The following HTR1F variants were observed in gnomAD, a reference collection of about 807,000 sequenced individuals.
HTR1F encodes the protein 5-hydroxytryptamine (serotonin) receptor 1F, G protein-coupled.
In HTR1F, 17 loss-of-function variants were observed where a neutral mutation model predicts 24.0. The ratio of observed to expected loss-of-function variants is 0.71; its 90% CI spans 0.48 to 1.06. The LOEUF (loss-of-function observed/expected upper bound fraction) is 1.06, where lower values mean the gene tolerates loss of function less well. Ranked by LOEUF, HTR1F falls within the 50% of genes least tolerant of loss-of-function variation. The probability of loss-of-function intolerance (pLI) is 0.00; values close to 1 mark genes in which losing one functional copy is unlikely to be tolerated. For synonymous variants in HTR1F, 186 were observed against 156.8 expected, an observed-to-expected ratio of 1.19 and a Z score of -1.39; for missense variants, 391 against 427.8, an observed-to-expected ratio of 0.91 and a Z score of 0.76.
chr3:87,886,646 A>G (rs1413867881), intron 2 of HTR1F, among the ~76,000 whole-genome samples: 1 of 152,212 alleles, frequency 6.6e-6, no homozygotes, highest in African/African-American at 2.4e-5. Flanking sequence ...GCAAAGTCTC[A>G]GGATACAAAA....
intron 2 of HTR1F, among the ~76,000 whole-genome samples, chr3:87,857,383 T>A (rs1705220226): frequency 6.6e-6 from 1 of 152,114 alleles, no homozygotes; most frequent in African/African-American, 2.4e-5. Context: ...TAGATGTTTT[T>A]AAAATTAATA....
At chr3:87,825,526 T>C (rs1470304959) in intron 2 of HTR1F, among the ~76,000 whole-genome samples, 2 of 152,324 alleles carry the variant, frequency 1.3e-5, no homozygotes, top group East Asian at 3.9e-4. Context: ...AGAAGAGTCA[T>C]TCCTTAATGC....
rs183821605 is a variant in HTR1F at position 87,968,879 on chromosome 3, C to T, written c.-42-21829C>T. Among the ~76,000 whole-genome samples the T allele has an allele frequency of 8.2e-3, 1,245 of 152,330 alleles. 8 individuals are homozygous for T. Among genetic ancestry groups the T allele is most frequent in the Middle Eastern group, 0.02 (6 of 294 alleles). On this transcript the variant is annotated intron_variant, in intron 2 of 2. Coordinates refer to ENST00000319595, the MANE Select transcript of HTR1F (RefSeq NM_001322209.2). ...TTTCCTGGGCTAGGCCAAGGGCCCCCCTGTTGTATGCAGCCTGGGGACTTG... is the reference window on the plus strand; with the variant it reads ...TTTCCTGGGCTAGGCCAAGGGCCCCTCTGTTGTATGCAGCCTGGGGACTTG...
rs763994292 is a variant in HTR1F, at chr3:87,866,819, C to CGT, written c.-43+44721_-43+44722dup. Among the ~76,000 whole-genome samples, 607 of 96,054 alleles carry CGT rather than the reference C, an allele frequency of 6.3e-3. 7 individuals carry two copies. The highest frequency in any genetic ancestry group is 0.035 in the South Asian group (122 of 3,510). The allele number at this position is 96,054 out of a possible 152,430, so 63.0% of individuals were successfully genotyped here. On this transcript the variant is annotated intron_variant, in intron 2 of 2. Transcript: ENST00000319595. ...GTGTACATGGGCACAAGTGTGCGTGCGTGTGTGTGTGTGTGTGTGTGTGTG... is the reference window on the plus strand; with the variant it reads ...GTGTACATGGGCACAAGTGTGCGTGCGTGTGTGTGTGTGTGTGTGTGTGTGTG...
At chr3:87,960,349 C>T (rs1284038643) in intron 2 of HTR1F, among the ~76,000 whole-genome samples, 1 of 151,874 alleles carries the variant, frequency 6.6e-6, no homozygotes, top group Non-Finnish European at 1.5e-5. Flanking sequence ...ATAGTAGCTG[C>T]CCAGATGGTT....
At chr3:87,890,864 CAG>C (rs1191844617) in intron 2 of HTR1F, among the ~76,000 whole-genome samples, 1 of 142,198 alleles carries the variant, frequency 7.0e-6, no homozygotes, top group Non-Finnish European at 1.5e-5. Context: ...TTTTTTGAGA[CAG>C]AGTCTTGCTC....
chr3:87,890,664 C>T (rs1487933034), intron 2 of HTR1F, among the ~76,000 whole-genome samples: 1 of 150,796 alleles, frequency 6.6e-6, no homozygotes, highest in African/African-American at 2.4e-5. Context: ...ATAAATACCG[C>T]CAGTAATGTC....
chr3:87,888,117 C>T (rs1705997682), intron 2 of HTR1F, among the ~76,000 whole-genome samples: 1 of 152,168 alleles, frequency 6.6e-6, no homozygotes, highest in Non-Finnish European at 1.5e-5. Context: ...GGCATATATA[C>T]ACCATGGAAT....
intron 2 of HTR1F, among the ~76,000 whole-genome samples, chr3:87,871,802 C>T (rs545550032): frequency 6.6e-6 from 1 of 152,022 alleles, no homozygotes; most frequent in Non-Finnish European, 1.5e-5. Context: ...GGCAGCAGCA[C>T]ATTAACAGTA....
At chr3:87,963,497 A>G (rs1015452755) in intron 2 of HTR1F, among the ~76,000 whole-genome samples, 5 of 152,124 alleles carry the variant, frequency 3.3e-5, no homozygotes, top group African/African-American at 1.2e-4. Context: ...GAAGCCCCAC[A>G]AGGAATAAAA....
chr3:87,879,108 A>G (rs1705731579), intron 2 of HTR1F, among the ~76,000 whole-genome samples: 1 of 152,196 alleles, frequency 6.6e-6, no homozygotes, highest in Non-Finnish European at 1.5e-5. Flanking sequence ...TGGCTACCTG[A>G]AGATTTCAAC....
intron 2 of HTR1F, among the ~76,000 whole-genome samples, chr3:87,950,229 C>T (rs1290116410): frequency 6.6e-6 from 1 of 152,316 alleles, no homozygotes; most frequent in East Asian, 1.9e-4. Context: ...CACTGGGCCC[C>T]ACCTCCCAAT....
chr3:87,843,707 G>A (rs1268058326), intron 2 of HTR1F, among the ~76,000 whole-genome samples: 2 of 127,604 alleles, frequency 1.6e-5, no homozygotes, highest in African/African-American at 6.5e-5. Flanking sequence ...TCCCCAGATT[G>A]TGATGTTCCC....
intron 1 of HTR1F, among the ~76,000 whole-genome samples, chr3:87,802,748 G>A (rs528842488): frequency 2.0e-5 from 3 of 152,138 alleles, no homozygotes; most frequent in Non-Finnish European, 4.4e-5. Context: ...ATGCTTACAA[G>A]CAAGGGTAGC....
At chr3:87,989,479 C>T (rs1705769435) in intron 2 of HTR1F, among the ~76,000 whole-genome samples, 1 of 152,130 alleles carries the variant, frequency 6.6e-6, no homozygotes, top group Non-Finnish European at 1.5e-5. Context: ...CTACTTATAT[C>T]CACAAAGACA....
intron 2 of HTR1F, among the ~76,000 whole-genome samples, chr3:87,882,487 G>A (rs1189792207): frequency 6.6e-6 from 1 of 152,104 alleles, no homozygotes; most frequent in African/African-American, 2.4e-5. Flanking sequence ...ACTGGATTAA[G>A]AAAATGTGGC....
At chr3:87,906,465 T>G (rs1703669777) in intron 2 of HTR1F, among the ~76,000 whole-genome samples, 1 of 152,132 alleles carries the variant, frequency 6.6e-6, no homozygotes, top group South Asian at 2.1e-4. Context: ...CTTTTCTTGT[T>G]GACAGTCTCC....
rs371610650 is a variant in HTR1F at position 87,978,138 on chromosome 3, C to A, written c.-42-12570C>A. Reference sequence around the variant, plus strand: ...CAAGCCTGCAGCTGGATTAGATGCACCACAAGCAGGTTCCATTGTGGGCAC... The same window carrying A: ...CAAGCCTGCAGCTGGATTAGATGCAACACAAGCAGGTTCCATTGTGGGCAC... On this transcript the variant is annotated intron_variant, in intron 2 of 2. Transcript: ENST00000319595. 3.3e-5 allele frequency among the ~76,000 whole-genome samples: 5 copies of A among 152,254 alleles called. No homozygotes were observed. In the East Asian group the frequency reaches 5.8e-4, roughly 18 times the overall value.
intron 2 of HTR1F, among the ~76,000 whole-genome samples, chr3:87,932,794 T>A (rs1044497874): frequency 6.6e-6 from 1 of 152,018 alleles, no homozygotes; most frequent in African/African-American, 2.4e-5. Context: ...GATGGTACCA[T>A]TCCTTCTAAA....
Sources: gnomAD v4.1 joint callset for allele counts (sites outside exome capture counted in the v4.1 genomes callset) on GRCh38, gnomAD v4.1.1 for gene constraint, MANE v1.5 for transcripts, NCBI Gene and HGNC (gene_info 2026-07-23, HGNC 2026-07-21) for gene names.